The following CDC37 variants were observed in gnomAD, a reference collection of about 807,000 sequenced individuals.
The protein encoded by CDC37 is hsp90 co-chaperone Cdc37.
Under a neutral mutation model 46.9 loss-of-function variants are expected in CDC37, and 9 were observed. That is an observed-to-expected ratio of 0.19 (90% CI 0.12 to 0.33). The LOEUF (loss-of-function observed/expected upper bound fraction) is 0.33. Among genes scored for constraint, CDC37 ranks in the 10% least tolerant of loss-of-function variants. CDC37 has a pLI of 1.00. For missense variants in CDC37, 388 were observed against 514.6 expected, an observed-to-expected ratio of 0.75 and a Z score of 2.38; for synonymous variants, 193 against 191.0, an observed-to-expected ratio of 1.01 and a Z score of -0.09.
intron 7 of CDC37, chr19:10,392,730 T>A: frequency 6.5e-6 from 2 of 306,120 alleles, no homozygotes; most frequent in South Asian, 8.8e-5. Flanking sequence ...CAAAATCCAA[T>A]TAACAGCCAG....
rs1384252256 is a variant in CDC37 at position 10,393,496 on chromosome 19, G to C, written c.727-55C>G. The C allele has an allele frequency of 5.4e-5, 83 of 1,545,956 alleles. No homozygotes were observed. In the Admixed American group the frequency reaches 1.5e-3, roughly 29 times the overall value. ...CTGGCCCAACGCTCAGGAGGGACTG[G>C]GGGGCCCAGGACCCTCCAGCCACAG... is the stretch of plus-strand genomic sequence containing the variant. On this transcript the variant is annotated intron_variant, in intron 5 of 7. Transcript: ENST00000222005. This position sits in a 1 kb window ranked among gnomAD's most constrained non-coding sequence, Gnocchi z 4.9.
At chr19:10,395,625 C>T (rs1274306868) in intron 2 of CDC37, 82 bp from the exon 3 acceptor site, 9 of 1,108,238 alleles carry the variant, frequency 8.1e-6, no homozygotes, top group South Asian at 7.4e-5. Flanking sequence ...GTGGTCGCAG[C>T]GCCCATCCCA....
In CDC37 at chr19:10,403,491, G is replaced by A. The variant is rs372365883; in HGVS notation, c.-12C>T. 1.9e-6 allele frequency: 3 copies of A among 1,603,680 alleles called. No homozygotes were observed. Among genetic ancestry groups the A allele is most frequent in the Non-Finnish European group, 1.7e-6 (2 of 1,172,320 alleles). On this transcript the variant is annotated 5_prime_UTR_variant, in exon 1 of 8. Transcript: ENST00000222005. Reference sequence around the variant, plus strand: ...CTGTAGTCCACCATCTTGCCTTGGCGGCCCAGCCCGCTCCGGCTCGGGTGG... The same window carrying A: ...CTGTAGTCCACCATCTTGCCTTGGCAGCCCAGCCCGCTCCGGCTCGGGTGG...
intron 1 of CDC37, among the ~76,000 whole-genome samples, chr19:10,402,421 T>C (rs964116860): frequency 6.6e-6 from 1 of 151,866 alleles, no homozygotes; most frequent in Non-Finnish European, 1.5e-5. Context: ...GCAGGGACAA[T>C]TTGGGTCACA....
chr19:10,393,519 C>T lies in CDC37; in HGVS notation c.727-78G>A, dbSNP rs1236072249. Reference sequence around the variant, plus strand: ...TGGGGGGCCCAGGACCCTCCAGCCACAGCTCCTCAGAGGCGCCCCACGGTT... The same window carrying T: ...TGGGGGGCCCAGGACCCTCCAGCCATAGCTCCTCAGAGGCGCCCCACGGTT... On this transcript the variant is annotated intron_variant, in intron 5 of 7. Transcript: ENST00000222005. The surrounding 1 kb of genome is among the most constrained non-coding windows in gnomAD (Gnocchi z 4.9). 5 of 1,440,942 alleles carry T rather than the reference C, an allele frequency of 3.5e-6. No individual in the cohort carries two copies. The African/African-American group carries it at 4.3e-5, about 12-fold the overall frequency. The allele number at this position is 1,440,942 out of a possible 1,614,324, so 89.3% of individuals were successfully genotyped here. A position where few individuals can be genotyped will look rare whatever the true frequency, so the allele number is the denominator to read the frequency against.
At chr19:10,400,998 G>A (rs1445063041) in intron 1 of CDC37, among the ~76,000 whole-genome samples, 2 of 152,216 alleles carry the variant, frequency 1.3e-5, no homozygotes, top group East Asian at 1.9e-4. Context: ...GGCACAGAGC[G>A]ATCAAACAGC....
At position 10,397,947 on chromosome 19, in the gene CDC37, G is replaced by C. The variant is rs572179060; in HGVS notation, c.103-1744C>G. Among the ~76,000 whole-genome samples, 7 of 152,174 alleles carry C rather than the reference G, an allele frequency of 4.6e-5. No individual in the cohort carries two copies. The South Asian group carries it at 1.2e-3, about 27-fold the overall frequency. On this transcript the variant is annotated intron_variant, in intron 1 of 7. Coordinates refer to ENST00000222005, the MANE Select transcript of CDC37 (RefSeq NM_007065.4). ...CCCTGTCTCCCTCAGACCTCCATCT[G>C]GGCCCCATCGGATTGTACAGGCCTC...
intron 2 of CDC37, 24 bp downstream of exon 2, chr19:10,395,904 G>GGGCCCCCCCC: frequency 6.5e-6 from 10 of 1,541,890 alleles, no homozygotes; most frequent in East Asian, 2.3e-5. Context: ...CATGCGCACT[G>GGGCCCCCCCC]CCCGCCCCGC....
chr19:10,393,187 G>A lies in CDC37; in HGVS notation c.910-30C>T, dbSNP rs749551623. Reference sequence around the variant, plus strand: ...GGGTACAGAGGGGCTGGGGTCAGGGGCTGGGTCCCTGTGGCCCTGGGGGGT... The same window carrying A: ...GGGTACAGAGGGGCTGGGGTCAGGGACTGGGTCCCTGTGGCCCTGGGGGGT... On this transcript the variant is annotated intron_variant, in intron 6 of 7. Transcript: ENST00000222005. This position sits in a 1 kb window ranked among gnomAD's most constrained non-coding sequence, Gnocchi z 4.9. 1.2e-6 allele frequency: 2 copies of A among 1,610,472 alleles called. No individual in the cohort carries two copies. Among genetic ancestry groups the A allele is most frequent in the Admixed American group, 1.7e-5 (1 of 59,972 alleles).
intron 7 of CDC37, chr19:10,392,821 A>G (rs1479037225): frequency 1.8e-6 from 1 of 549,576 alleles, no homozygotes; most frequent in Non-Finnish European, 3.2e-6. Context: ...TGTGGTTTGG[A>G]TAAGGAAACT....
Position 10,391,395 on chromosome 19 carries a change from A to T in CDC37, c.*156T>A. On this transcript the variant is annotated 3_prime_UTR_variant, in exon 8 of 8. Transcript: ENST00000222005. ...CTTGAATGGGCGCTGGAGAGTGGAG[A>T]CAGTGGAGAGGCCAGGGAGGGCTGG... The T allele has an allele frequency of 1.2e-6, 1 of 810,282 alleles. No homozygotes were observed. The highest frequency in any genetic ancestry group is 2.1e-6 in the Non-Finnish European group (1 of 477,868). The allele number at this position is 810,282 out of a possible 1,614,324, so 50.2% of individuals were successfully genotyped here. A position where few individuals can be genotyped will look rare whatever the true frequency, so the allele number is the denominator to read the frequency against.
rs1426118492 is a variant in CDC37, at chr19:10,397,539, T to A, written c.103-1336A>T. On this transcript the variant is annotated intron_variant, in intron 1 of 7. Coordinates refer to ENST00000222005, the MANE Select transcript of CDC37 (RefSeq NM_007065.4). ...AATTTTCCTGCCTCAGCCTCCTTAG[T>A]AGCTGGGATTACAGGCACGCGCCAC... Among the ~76,000 whole-genome samples, 4 of 151,602 alleles carry A rather than the reference T, an allele frequency of 2.6e-5. No individual in the cohort carries two copies. In the East Asian group the frequency reaches 7.8e-4, roughly 29 times the overall value.
chr19:10,395,644 G>T lies in CDC37; in HGVS notation c.379-101C>A, dbSNP rs747081348. On this transcript the variant is annotated intron_variant, in intron 2 of 7. Coordinates refer to ENST00000222005, the MANE Select transcript of CDC37 (RefSeq NM_007065.4). Reference sequence around the variant, plus strand: ...TCGCAGCGCCCATCCCATCCACGGCGGAGGTGGTGACGAAGCCATGAGCAT... The same window carrying T: ...TCGCAGCGCCCATCCCATCCACGGCTGAGGTGGTGACGAAGCCATGAGCAT... The T allele has an allele frequency of 8.0e-6, 8 of 999,332 alleles. No individual in the cohort carries two copies. In the South Asian group the frequency reaches 1.0e-4, roughly 13 times the overall value. The allele number at this position is 999,332 out of a possible 1,614,324, so 61.9% of individuals were successfully genotyped here.
rs1490062131 is a variant in CDC37, at chr19:10,391,219, A to G, written c.*332T>C. 14 of 371,442 alleles carry G rather than the reference A, an allele frequency of 3.8e-5. No homozygotes were observed. The highest frequency in any genetic ancestry group is 6.0e-5 in the Non-Finnish European group (12 of 199,274). 23.0% of individuals were successfully genotyped at this position (371,442 alleles called of 1,614,324 possible). On this transcript the variant is annotated 3_prime_UTR_variant, in exon 8 of 8. Transcript: ENST00000222005. ...CAGACGAACAGTGAAAACAGAGCCC[A>G]GTGACGAGAGCCGGCCCCTTGGCTG...
At chr19:10,395,848 A>T in intron 2 of CDC37, 80 bp downstream of exon 2, 1 of 1,371,812 alleles carries the variant, frequency 7.3e-7, no homozygotes, top group Non-Finnish European at 9.9e-7. Flanking sequence ...TCCCCTGACC[A>T]GGCATTGGGT....
Position 10,392,169 on chromosome 19 carries a change from A to AT in CDC37, c.982-464dup, listed in dbSNP as rs567950910. 8.6e-3 allele frequency among the ~76,000 whole-genome samples: 1,307 copies of AT among 151,828 alleles called. 17 individuals are homozygous for AT. The highest frequency in any genetic ancestry group is 0.029 in the African/African-American group (1,189 of 41,438). ...TGCAATCTAGAACAAAAGCCAGCAA[A>AT]TTTTTTTTTGGTAAAGGGACAGACT... On this transcript the variant is annotated intron_variant, in intron 7 of 7. Transcript: ENST00000222005.
chr19:10,391,152 T>C lies in CDC37; in HGVS notation c.*399A>G, dbSNP rs924631131. On this transcript the variant is annotated 3_prime_UTR_variant, in exon 8 of 8. Coordinates refer to ENST00000222005, the MANE Select transcript of CDC37 (RefSeq NM_007065.4). ...CCCAGAGAGCATCTGAAATCTTTTA[T>C]TGGAAGATCATTGCTGTTTGCCAAA... The C allele has an allele frequency of 3.5e-5, 9 of 258,690 alleles. No homozygotes were observed. The highest frequency in any genetic ancestry group is 6.2e-5 in the Non-Finnish European group (8 of 130,058). 16.0% of individuals were successfully genotyped at this position (258,690 alleles called of 1,614,324 possible).
rs527873036 is a variant in CDC37 at position 10,398,039 on chromosome 19, A to G, written c.103-1836T>C. Among the ~76,000 whole-genome samples, 33 of 152,242 alleles carry G rather than the reference A, an allele frequency of 2.2e-4. No individual in the cohort carries two copies. In the South Asian group the frequency reaches 5.0e-3, roughly 23 times the overall value. On this transcript the variant is annotated intron_variant, in intron 1 of 7. Coordinates refer to ENST00000222005, the MANE Select transcript of CDC37 (RefSeq NM_007065.4). This position sits in a 1 kb window ranked among gnomAD's most constrained non-coding sequence, Gnocchi z 4.2. Reference sequence around the variant, plus strand: ...CCTCAGTGGAGGCTGCTCTATCCAGAGCCACTAATCAAACCCTGAAACCCT... The same window carrying G: ...CCTCAGTGGAGGCTGCTCTATCCAGGGCCACTAATCAAACCCTGAAACCCT...
chr19:10,392,705 TCAAAAACAAG>T, intron 7 of CDC37: 1 of 259,824 alleles, frequency 3.8e-6, no homozygotes, highest in Admixed American at 5.0e-5. Flanking sequence ...ACCCTGTCTC[TCAAAAACAAG>T]TAGACAAAAT....
Sources: gnomAD v4.1 joint callset for allele counts (sites outside exome capture counted in the v4.1 genomes callset) on GRCh38, gnomAD v4.1.1 for gene constraint, Gnocchi (gnomAD v3.1) non-coding constraint, MANE v1.5 for transcripts, NCBI Gene and HGNC (gene_info 2026-07-23, HGNC 2026-07-21) for gene names.